ARHGAP10: variants seen among roughly 807,000 people sequenced by gnomAD.
The protein encoded by ARHGAP10 is rho GTPase-activating protein 10.
ARHGAP10 carries 87 observed loss-of-function variants against 108.6 expected under a neutral mutation model. That is an observed-to-expected ratio of 0.80 (90% CI 0.67 to 0.96). The LOEUF (loss-of-function observed/expected upper bound fraction) is 0.96, where lower values mean the gene tolerates loss of function less well. Ranked by LOEUF, ARHGAP10 falls within the 40% of genes least tolerant of loss-of-function variation. The pLI, the probability that ARHGAP10 is intolerant of heterozygous loss-of-function variation, is 0.00. For synonymous variants in ARHGAP10, 347 were observed against 341.1 expected, an observed-to-expected ratio of 1.02 and a Z score of -0.19; for missense variants, 939 against 954.5, an observed-to-expected ratio of 0.98 and a Z score of 0.21.
intron 1 of ARHGAP10, among the ~76,000 whole-genome samples, chr4:147,779,669 CAG>C (rs1191577392): frequency 6.6e-6 from 1 of 152,098 alleles, no homozygotes; most frequent in African/African-American, 2.4e-5. Flanking sequence ...AAGGGGAAGT[CAG>C]AGCAAGAGCA....
At chr4:147,842,262 T>G (rs1242828832) in intron 3 of ARHGAP10, among the ~76,000 whole-genome samples, 1 of 152,142 alleles carries the variant, frequency 6.6e-6, no homozygotes, top group East Asian at 1.9e-4. Context: ...CTTTTTCTAC[T>G]CTAGTGTTAG....
chr4:147,806,277 C>G (rs936682043), intron 1 of ARHGAP10, among the ~76,000 whole-genome samples: 4 of 152,016 alleles, frequency 2.6e-5, no homozygotes, highest in Non-Finnish European at 4.4e-5. Flanking sequence ...TTACATATAT[C>G]TATTATCTCA....
chr4:147,865,350 A>C (rs1288989839), intron 6 of ARHGAP10: 1 of 156,750 alleles, frequency 6.4e-6, no homozygotes, highest in Non-Finnish European at 1.4e-5. Flanking sequence ...ACATGACTTC[A>C]AACACAATTC....
chr4:147,869,998 T>TTTTGTGTGTGTGTGTG (rs1553958574), intron 7 of ARHGAP10, among the ~76,000 whole-genome samples: 1 of 93,068 alleles, frequency 1.1e-5, no homozygotes, highest in Non-Finnish European at 2.3e-5. Flanking sequence ...AAGTCCCAGT[T>TTTTGTGTGTGTGTGTG]TGTGTGTGTG....
chr4:147,856,601 G>T (rs988898656), intron 4 of ARHGAP10, among the ~76,000 whole-genome samples: 1 of 152,172 alleles, frequency 6.6e-6, no homozygotes, highest in Non-Finnish European at 1.5e-5. Context: ...TAGGCTATGT[G>T]TGATAGGTGT....
intron 1 of ARHGAP10, among the ~76,000 whole-genome samples, chr4:147,804,764 G>T (rs1210311277): frequency 2.6e-5 from 4 of 151,942 alleles, no homozygotes; most frequent in African/African-American, 7.2e-5. Flanking sequence ...TTATATGATT[G>T]TTGGCCACAT....
intron 18 of ARHGAP10, among the ~76,000 whole-genome samples, chr4:147,972,384 G>A (rs1007757619): frequency 2.0e-5 from 3 of 152,050 alleles, no homozygotes; most frequent in Non-Finnish European, 2.9e-5. Context: ...CCCTGTATGG[G>A]TGAAAATTCT....
Position 148,033,004 on chromosome 4 carries a change from A to T in ARHGAP10, c.1867+9591A>T, listed in dbSNP as rs1728221247. ...AACACCCTCACCGACACACCCAGGA[A>T]CAATACTTTGCATCCTTCAATCCAA... On this transcript the variant is annotated intron_variant, in intron 19 of 22. Transcript: ENST00000336498. 1.3e-5 allele frequency among the ~76,000 whole-genome samples: 2 copies of T among 152,222 alleles called. 1 individual carries two copies. Among genetic ancestry groups the T allele is most frequent in the South Asian group, 4.1e-4 (2 of 4,826 alleles).
chr4:148,059,126 G>A (rs533427281), intron 20 of ARHGAP10, among the ~76,000 whole-genome samples: 57 of 152,350 alleles, frequency 3.7e-4, no homozygotes, highest in African/African-American at 9.4e-4. Context: ...AAAGAAGGAC[G>A]GTGATGTTGG....
chr4:148,032,322 A>C (rs1578808691), intron 19 of ARHGAP10, among the ~76,000 whole-genome samples: 4 of 61,102 alleles, frequency 6.5e-5, no homozygotes, highest in African/African-American at 7.7e-5. Flanking sequence ...TGGCAATTTC[A>C]ACTGTCCCCC....
Position 147,919,624 on chromosome 4 carries a change from G to A in ARHGAP10, c.1228+6485G>A, listed in dbSNP as rs1578689255. Among the ~76,000 whole-genome samples the A allele has an allele frequency of 9.9e-5, 15 of 151,982 alleles. No individual in the cohort carries two copies. The South Asian group carries it at 3.1e-3, about 32-fold the overall frequency. On this transcript the variant is annotated intron_variant, in intron 13 of 22. Transcript: ENST00000336498. ...GTCCCTCTCTGTTGCCCAGACTAGA[G>A]TGCAGTGGCATGATCTTGGCTCAGT...
At chr4:147,903,358 T>G (rs1736328808) in intron 10 of ARHGAP10, among the ~76,000 whole-genome samples, 1 of 152,144 alleles carries the variant, frequency 6.6e-6, no homozygotes, top group Non-Finnish European at 1.5e-5. Context: ...AGATAGAGAT[T>G]TTCCTGATTC....
chr4:147,800,470 G>T (rs1355298050), intron 1 of ARHGAP10, among the ~76,000 whole-genome samples: 3 of 152,134 alleles, frequency 2.0e-5, no homozygotes, highest in Non-Finnish European at 4.4e-5. Flanking sequence ...GCTTTAGGTT[G>T]GTCCTTCTTT....
chr4:147,943,498 G>A (rs538961130), intron 14 of ARHGAP10, among the ~76,000 whole-genome samples: 8 of 152,284 alleles, frequency 5.3e-5, no homozygotes, highest in Admixed American at 5.2e-4. Context: ...TGTTGAGTAG[G>A]GTGCTAGCAG....
chr4:147,793,345 G>T (rs1251071315), intron 1 of ARHGAP10, among the ~76,000 whole-genome samples: 1 of 149,052 alleles, frequency 6.7e-6, no homozygotes, highest in Non-Finnish European at 1.5e-5. Context: ...CAAATGTACA[G>T]TTGTGATTAT....
intron 1 of ARHGAP10, among the ~76,000 whole-genome samples, chr4:147,765,241 C>T (rs1420643982): frequency 6.7e-6 from 1 of 149,184 alleles, no homozygotes. Context: ...ATGAAGTTTA[C>T]ATAATTCACA....
intron 5 of ARHGAP10, among the ~76,000 whole-genome samples, chr4:147,860,701 TATA>T (rs1734279292): frequency 6.6e-6 from 1 of 152,226 alleles, no homozygotes; most frequent in Non-Finnish European, 1.5e-5. Context: ...GATATTTCAG[TATA>T]ATAATAATCT....
intron 16 of ARHGAP10, among the ~76,000 whole-genome samples, chr4:147,958,544 C>G (rs1184687194): frequency 6.6e-6 from 1 of 152,148 alleles, no homozygotes; most frequent in Non-Finnish European, 1.5e-5. Flanking sequence ...AGACAAAAAT[C>G]ATGTGATTCT....
chr4:147,990,481 T>C (rs1289885560), intron 18 of ARHGAP10, among the ~76,000 whole-genome samples: 2 of 152,198 alleles, frequency 1.3e-5, no homozygotes, highest in Non-Finnish European at 2.9e-5. Flanking sequence ...ACGTGGCCAC[T>C]TGATGAAGCG....
Sources: allele counts gnomAD v4.1 joint callset (sites outside exome capture counted in the v4.1 genomes callset), GRCh38; gene constraint gnomAD v4.1.1; transcripts MANE v1.5; gene names NCBI Gene and HGNC (gene_info 2026-07-23, HGNC 2026-07-21).